The following CSMD1 variants were observed in gnomAD, a reference collection of about 807,000 sequenced individuals.
CSMD1 encodes CUB and Sushi multiple domains 1, also known as CUB and sushi domain-containing protein 1.
A neutral mutation model predicts 417.5 loss-of-function variants in CSMD1; 213 were observed. The ratio of observed to expected loss-of-function variants is 0.51; its 90% CI spans 0.46 to 0.57. CSMD1 has a LOEUF of 0.57. Among genes scored for constraint, CSMD1 ranks in the 20% least tolerant of loss-of-function variants. The probability of loss-of-function intolerance (pLI) is 0.00; values close to 1 mark genes in which losing one functional copy is unlikely to be tolerated. For missense variants in CSMD1, 6,923 were observed against 4,529.7 expected (o/e 1.53, Z -15.17); for synonymous variants, 2,862 against 1,736.8 (o/e 1.65, Z -16.11).
chr8:4,046,543 G>C (rs1157993594), intron 3 of CSMD1, among the ~76,000 whole-genome samples: 1 of 152,124 alleles, frequency 6.6e-6, no homozygotes, highest in African/African-American at 2.4e-5. Context: ...ATTCAACTCT[G>C]TACATAGTAT....
At chr8:3,589,900 C>A (rs1006075246) in intron 8 of CSMD1, among the ~76,000 whole-genome samples, 1 of 152,006 alleles carries the variant, frequency 6.6e-6, no homozygotes, top group Non-Finnish European at 1.5e-5. Flanking sequence ...AAAATATCAC[C>A]ACTCTGACTA....
intron 2 of CSMD1, among the ~76,000 whole-genome samples, chr8:4,440,892 G>C (rs902155849): frequency 1.2e-4 from 18 of 151,354 alleles, no homozygotes; most frequent in Non-Finnish European, 2.4e-4. Context: ...AGCTACTTGG[G>C]AGACTGAGGC....
intron 3 of CSMD1, among the ~76,000 whole-genome samples, chr8:4,134,021 A>G (rs1000776907): frequency 3.9e-5 from 6 of 152,202 alleles, no homozygotes; most frequent in Non-Finnish European, 5.9e-5. Context: ...TTCAGTATAC[A>G]TTTTTTTAAA....
At chr8:4,014,482 G>A (rs1796427826) in intron 4 of CSMD1, among the ~76,000 whole-genome samples, 1 of 152,134 alleles carries the variant, frequency 6.6e-6, no homozygotes, top group Non-Finnish European at 1.5e-5. Context: ...TAGACATTGA[G>A]TTGGCTTCTT....
chr8:3,815,509 A>G (rs999947466), intron 5 of CSMD1, among the ~76,000 whole-genome samples: 1 of 151,574 alleles, frequency 6.6e-6, no homozygotes, highest in African/African-American at 2.4e-5. Context: ...GTGTAAGACT[A>G]TGTTTAAACA....
At chr8:2,970,667 T>A (rs2128931618) in intron 57 of CSMD1, among the ~76,000 whole-genome samples, 1 of 152,268 alleles carries the variant, frequency 6.6e-6, no homozygotes, top group South Asian at 2.1e-4. Flanking sequence ...AGAATTAAGA[T>A]CCAGAACCAA....
chr8:3,669,730 G>A (rs529868938), intron 7 of CSMD1, among the ~76,000 whole-genome samples: 1 of 152,222 alleles, frequency 6.6e-6, no homozygotes, highest in African/African-American at 2.4e-5. Context: ...AAGGCCAGGA[G>A]GACAGGGGCC....
chr8:4,596,643 A>G (rs750956994), intron 2 of CSMD1, among the ~76,000 whole-genome samples: 2 of 152,116 alleles, frequency 1.3e-5, no homozygotes, highest in Non-Finnish European at 2.9e-5. Context: ...TGTTGTTGTT[A>G]TTTCCTTTTA....
intron 7 of CSMD1, among the ~76,000 whole-genome samples, chr8:3,672,969 G>T (rs1346441812): frequency 6.6e-6 from 1 of 152,078 alleles, no homozygotes; most frequent in East Asian, 1.9e-4. Flanking sequence ...TTATTCCTAT[G>T]CCTTATTGTA....
At chr8:4,857,641 C>A (rs201963793) in intron 1 of CSMD1, among the ~76,000 whole-genome samples, 1 of 152,028 alleles carries the variant, frequency 6.6e-6, no homozygotes, top group African/African-American at 2.4e-5. Flanking sequence ...AACACCTCTA[C>A]GCAAATAAAC....
At chr8:4,289,641 G>A (rs1161737081) in intron 3 of CSMD1, among the ~76,000 whole-genome samples, 2 of 152,178 alleles carry the variant, frequency 1.3e-5, no homozygotes, top group East Asian at 3.9e-4. Flanking sequence ...ACGGAGTAGA[G>A]CAGCTGTCCA....
chr8:3,356,330 G>A (rs751067588), intron 21 of CSMD1, among the ~76,000 whole-genome samples: 2 of 152,194 alleles, frequency 1.3e-5, no homozygotes, highest in Non-Finnish European at 2.9e-5. Flanking sequence ...ACTTAGGGAT[G>A]AGGCAGACCA....
intron 3 of CSMD1, among the ~76,000 whole-genome samples, chr8:4,285,231 G>C (rs962391001): frequency 2.0e-5 from 3 of 152,130 alleles, no homozygotes; most frequent in Non-Finnish European, 4.4e-5. Flanking sequence ...ATACAATCCG[G>C]TTTCATCATA....
chr8:4,395,323 A>C (rs151125044), intron 3 of CSMD1, among the ~76,000 whole-genome samples: 1 of 152,198 alleles, frequency 6.6e-6, no homozygotes. Context: ...CCCCTTCGCT[A>C]TTCTTAGTAT....
intron 10 of CSMD1, among the ~76,000 whole-genome samples, chr8:3,560,696 C>A (rs1387611419): frequency 6.6e-6 from 1 of 152,178 alleles, no homozygotes; most frequent in Non-Finnish European, 1.5e-5. Context: ...GAATTTCTCT[C>A]AGGGTACTTT....
intron 52 of CSMD1, among the ~76,000 whole-genome samples, chr8:3,006,388 C>A (rs1246429024): frequency 6.7e-6 from 1 of 149,158 alleles, no homozygotes; most frequent in Non-Finnish European, 1.5e-5. Context: ...CATCAAGCTA[C>A]CAATGACTTT....
chr8:3,853,725 G>A (rs943280526), intron 5 of CSMD1, among the ~76,000 whole-genome samples: 1 of 151,810 alleles, frequency 6.6e-6, no homozygotes, highest in Non-Finnish European at 1.5e-5. Context: ...ACCTCGGGGT[G>A]GGGGGAGCAG....
At chr8:4,451,711 T>C (rs958615671) in intron 2 of CSMD1, among the ~76,000 whole-genome samples, 7 of 152,196 alleles carry the variant, frequency 4.6e-5, no homozygotes, top group African/African-American at 1.4e-4. Context: ...AGGCAAAGCT[T>C]TTTAAAATTA....
chr8:4,481,939 G>C (rs962383306), intron 2 of CSMD1, among the ~76,000 whole-genome samples: 7 of 152,060 alleles, frequency 4.6e-5, no homozygotes, highest in African/African-American at 1.7e-4. Flanking sequence ...GAATGCAGAA[G>C]CCTGGCTTTA....
Sources: allele counts gnomAD v4.1 joint callset (sites outside exome capture counted in the v4.1 genomes callset), GRCh38; gene constraint gnomAD v4.1.1; transcripts MANE v1.5; gene names NCBI Gene and HGNC (gene_info 2026-07-23, HGNC 2026-07-21).